The following ARMC9 variants were observed in gnomAD, a reference collection of about 807,000 sequenced individuals.
ARMC9 encodes the protein lisH domain-containing protein ARMC9.
Under a neutral mutation model 107.0 loss-of-function variants are expected in ARMC9, and 94 were observed. That is an observed-to-expected ratio of 0.88 (90% CI 0.74 to 1.04). The LOEUF (loss-of-function observed/expected upper bound fraction) is 1.04, where lower values mean the gene tolerates loss of function less well. Among genes scored for constraint, ARMC9 ranks in the 50% least tolerant of loss-of-function variants. The pLI, the probability that ARMC9 is intolerant of heterozygous loss-of-function variation, is 0.00. For synonymous variants in ARMC9, 380 were observed against 396.9 expected (o/e 0.96, Z 0.51); for missense variants, 942 against 1,030.1 (o/e 0.91, Z 1.17).
At chr2:231,326,396 G>A (rs1414352945) in intron 19 of ARMC9, among the ~76,000 whole-genome samples, 1 of 152,240 alleles carries the variant, frequency 6.6e-6, no homozygotes, top group Non-Finnish European at 1.5e-5. Flanking sequence ...CCAAATGCAA[G>A]CTAGCAGGAG....
Position 231,214,857 on chromosome 2 carries a change from C to T in ARMC9, c.204C>T (p.Asn68=), listed in dbSNP as rs143756333. 80 of 1,614,116 alleles carry T rather than the reference C, an allele frequency of 5.0e-5. No homozygotes were observed. Among genetic ancestry groups the T allele is most frequent in the Middle Eastern group, 4.9e-4 (3 of 6,062 alleles). Residue 68 remains asparagine, a synonymous_variant, in exon 4 of 25, where the codon AAC becomes AAT. Coordinates refer to ENST00000611582, the MANE Select transcript of ARMC9 (RefSeq NM_001352754.2). Reference sequence around the variant, plus strand: ...AGGATCTTGTCGCTGCATTTGACAACGGAGACCAGAAGGTGTTCTTCGATC... The same window carrying T: ...AGGATCTTGTCGCTGCATTTGACAATGGAGACCAGAAGGTGTTCTTCGATC... The part of the protein sequence containing the change: ...IQKDLVAAFD[N]GDQKVFFDLW...
intron 17 of ARMC9, among the ~76,000 whole-genome samples, chr2:231,290,050 C>T (rs112890227): frequency 4.6e-5 from 7 of 152,222 alleles, no homozygotes; most frequent in Non-Finnish European, 8.8e-5. Flanking sequence ...AAAGCACAGG[C>T]CTTACATGGG....
chr2:231,323,752 G>A (rs1285859773), intron 19 of ARMC9, among the ~76,000 whole-genome samples: 2 of 152,168 alleles, frequency 1.3e-5, no homozygotes, highest in African/African-American at 4.8e-5. Flanking sequence ...AAAATGAGGC[G>A]CTGACAAGAA....
chr2:231,248,213 T>C (rs1489987851), intron 9 of ARMC9, among the ~76,000 whole-genome samples: 1 of 152,194 alleles, frequency 6.6e-6, no homozygotes, highest in Non-Finnish European at 1.5e-5. Flanking sequence ...CTGCAAGAGC[T>C]TCCTCCCTCC....
At chr2:231,330,910 G>C (rs2043687845) in intron 19 of ARMC9, among the ~76,000 whole-genome samples, 1 of 152,230 alleles carries the variant, frequency 6.6e-6, no homozygotes, top group Non-Finnish European at 1.5e-5. Context: ...TGGGCTCCAG[G>C]TGTGGCATAT....
At chr2:231,210,259 C>T (rs1484001647) in intron 3 of ARMC9, among the ~76,000 whole-genome samples, 1 of 152,240 alleles carries the variant, frequency 6.6e-6, no homozygotes, top group Non-Finnish European at 1.5e-5. Context: ...CCTGTCAACA[C>T]AGACTCTTCT....
intron 16 of ARMC9, among the ~76,000 whole-genome samples, chr2:231,279,743 C>A (rs956459920): frequency 6.6e-6 from 1 of 151,952 alleles, no homozygotes; most frequent in African/African-American, 2.4e-5. Context: ...AACTCCTGAC[C>A]TTGTGATTCA....
chr2:231,277,041 A>G (rs1559391899), intron 15 of ARMC9, among the ~76,000 whole-genome samples: 1 of 152,156 alleles, frequency 6.6e-6, no homozygotes, highest in African/African-American at 2.4e-5. Flanking sequence ...TCTTTATTGC[A>G]TTATTCAGAG....
intron 3 of ARMC9, among the ~76,000 whole-genome samples, chr2:231,210,149 G>A (rs539362806): frequency 2.0e-5 from 3 of 152,294 alleles, no homozygotes; most frequent in Admixed American, 1.3e-4. Flanking sequence ...GTTGAGAGAG[G>A]GGCACTTTTG....
intron 19 of ARMC9, among the ~76,000 whole-genome samples, chr2:231,311,956 C>T (rs920439591): frequency 1.3e-5 from 2 of 151,986 alleles, no homozygotes; most frequent in African/African-American, 4.8e-5. Flanking sequence ...AAGTTCTTGA[C>T]CTCTTCTTGA....
At chr2:231,324,231 G>A (rs1056530371) in intron 19 of ARMC9, among the ~76,000 whole-genome samples, 3 of 144,994 alleles carry the variant, frequency 2.1e-5, no homozygotes, top group South Asian at 2.2e-4. Flanking sequence ...AGGTTCAAGC[G>A]ATTCTTCTGC....
intron 19 of ARMC9, among the ~76,000 whole-genome samples, chr2:231,324,811 C>CA (rs1559464120): frequency 6.6e-6 from 1 of 151,940 alleles, no homozygotes; most frequent in Admixed American, 6.6e-5. Flanking sequence ...TACAGTGACT[C>CA]ACGCCTATAA....
intron 19 of ARMC9, among the ~76,000 whole-genome samples, chr2:231,312,861 G>T (rs1349521): frequency 0.99 from 151,328 of 152,328 alleles, 75,169 homozygotes; most frequent in Middle Eastern, 1. Flanking sequence ...GAGTGCCTTG[G>T]GTGTATAGTA....
intron 20 of ARMC9, among the ~76,000 whole-genome samples, chr2:231,333,725 C>A (rs1288969617): frequency 6.6e-6 from 1 of 152,190 alleles, no homozygotes; most frequent in Non-Finnish European, 1.5e-5. Context: ...CGTGTTGATA[C>A]CTGTTGAGAC....
chr2:231,213,499 T>C (rs1181042225), intron 3 of ARMC9, among the ~76,000 whole-genome samples: 1 of 147,470 alleles, frequency 6.8e-6, no homozygotes, highest in Non-Finnish European at 1.5e-5. Flanking sequence ...TTTTTTGAGA[T>C]GGAGTCTCGC....
chr2:231,312,744 C>T (rs762260567), intron 19 of ARMC9, among the ~76,000 whole-genome samples: 2 of 152,014 alleles, frequency 1.3e-5, no homozygotes, highest in African/African-American at 2.4e-5. Context: ...CTGGCCTTAC[C>T]ACGCTCTATC....
At chr2:231,338,289 G>C (rs952757365) in intron 20 of ARMC9, among the ~76,000 whole-genome samples, 1 of 151,602 alleles carries the variant, frequency 6.6e-6, no homozygotes, top group African/African-American at 2.4e-5. Flanking sequence ...CGCAATCTCG[G>C]CTTACTGTAG....
intron 8 of ARMC9, among the ~76,000 whole-genome samples, chr2:231,239,467 C>G (rs550088364): frequency 2.6e-4 from 40 of 152,318 alleles, no homozygotes; most frequent in Non-Finnish European, 5.1e-4. Flanking sequence ...TATCTGTGAC[C>G]TCATTTACCT....
rs752198367 is a variant in ARMC9, at chr2:231,259,102, G to C, written c.1026G>C (p.Trp342Cys). The change falls in exon 11 of 25, where the codon TGG becomes TGC. Residue 342 changes from tryptophan (W) to cysteine (C), a missense_variant and splice_region_variant. By Grantham distance (215) the Trp-to-Cys change is radical (BLOSUM62 -2). Transcript: ENST00000611582. ...CCTTCTTGTTGCAGGCTCTGCGCTGGGTAGGTACCTTTGTCTTAAAGTTAG... is the reference window on the plus strand; with the variant it reads ...CCTTCTTGTTGCAGGCTCTGCGCTGCGTAGGTACCTTTGTCTTAAAGTTAG... ...LKAFLLQALR[W>C]RLTTSHPGEQ... The C allele has an allele frequency of 3.1e-6, 5 of 1,610,066 alleles. No homozygotes were observed.
Sources: gnomAD v4.1 joint callset for allele counts (sites outside exome capture counted in the v4.1 genomes callset) on GRCh38, gnomAD v4.1.1 for gene constraint, MANE v1.5 for transcripts, NCBI Gene and HGNC (gene_info 2026-07-23, HGNC 2026-07-21) for gene names.